Variants in SH3D19 observed in about 807,000 individuals in gnomAD.
SH3D19 encodes SH3 domain-containing protein 19.
SH3D19 carries 58 observed loss-of-function variants against 112.1 expected under a neutral mutation model. That is an observed-to-expected ratio of 0.52 (90% CI 0.42 to 0.64). The LOEUF is 0.64. SH3D19 is among the 30% of genes least tolerant of loss of function. SH3D19 has a pLI of 0.00. For synonymous variants in SH3D19, 391 were observed against 448.5 expected (o/e 0.87, Z 1.62); for missense variants, 1,090 against 1,263.4 (o/e 0.86, Z 2.08).
At chr4:151,151,468 T>C (rs917356360) in intron 9 of SH3D19, among the ~76,000 whole-genome samples, 12 of 152,148 alleles carry the variant, frequency 7.9e-5, no homozygotes, top group African/African-American at 2.4e-4. Flanking sequence ...TTTTTCTCCT[T>C]CTTATAAATG....
chr4:151,303,743 C>G (rs1426272192), intron 1 of SH3D19, among the ~76,000 whole-genome samples: 1 of 152,090 alleles, frequency 6.6e-6, no homozygotes. Flanking sequence ...TGAAAAGTAA[C>G]AAAGGGGTTT....
At chr4:151,287,670 G>C (rs1229608593) in intron 1 of SH3D19, among the ~76,000 whole-genome samples, 2 of 152,186 alleles carry the variant, frequency 1.3e-5, no homozygotes, top group Non-Finnish European at 2.9e-5. Flanking sequence ...CAAGACGGGA[G>C]GATCACTTGA....
intron 1 of SH3D19, among the ~76,000 whole-genome samples, chr4:151,324,819 G>A (rs1032995926): frequency 6.6e-6 from 1 of 152,160 alleles, no homozygotes; most frequent in Admixed American, 6.5e-5. Context: ...AAGGGACGCC[G>A]AAACAGGACT....
At chr4:151,217,738 CA>C (rs1767358377) in intron 2 of SH3D19, among the ~76,000 whole-genome samples, 1 of 151,974 alleles carries the variant, frequency 6.6e-6, no homozygotes. Flanking sequence ...ATGCTTATTG[CA>C]ACATCATTTC....
chr4:151,167,214 C>G (rs556423391), intron 7 of SH3D19, among the ~76,000 whole-genome samples: 9 of 151,860 alleles, frequency 5.9e-5, no homozygotes, highest in Non-Finnish European at 1.3e-4. Context: ...AACTTTTTTC[C>G]ACTGTGACCT....
intron 2 of SH3D19, among the ~76,000 whole-genome samples, chr4:151,214,628 CG>C (rs1278731559): frequency 1.9e-4 from 8 of 42,110 alleles, no homozygotes; most frequent in South Asian, 5.6e-4. Flanking sequence ...GCTGGCCGGG[CG>C]GGGGGCTGAC....
intron 1 of SH3D19, among the ~76,000 whole-genome samples, chr4:151,317,614 T>C (rs747343098): frequency 6.6e-6 from 1 of 152,228 alleles, no homozygotes; most frequent in Non-Finnish European, 1.5e-5. Context: ...ACCTCTGATT[T>C]GCTGAGATCA....
intron 9 of SH3D19, among the ~76,000 whole-genome samples, chr4:151,152,504 TTC>T (rs1219627209): frequency 1.3e-5 from 2 of 151,200 alleles, no homozygotes; most frequent in Admixed American, 6.6e-5. Flanking sequence ...TTTTTTGCTA[TTC>T]TCTCTCTCTC....
At chr4:151,191,081 T>C (rs891270679) in intron 2 of SH3D19, among the ~76,000 whole-genome samples, 2 of 152,212 alleles carry the variant, frequency 1.3e-5, no homozygotes, top group Non-Finnish European at 2.9e-5. Context: ...CTTTAAGATT[T>C]GACCTGCCCT....
intron 11 of SH3D19, among the ~76,000 whole-genome samples, chr4:151,144,606 C>G (rs1175443788): frequency 1.3e-5 from 2 of 152,172 alleles, no homozygotes; most frequent in African/African-American, 4.8e-5. Context: ...GGAGAAACAC[C>G]CAGCACTTGA....
At chr4:151,150,206 A>AAAAAAT (rs1273707426) in intron 9 of SH3D19, among the ~76,000 whole-genome samples, 1,264 of 45,680 alleles carry the variant, frequency 0.028, 77 homozygotes, top group Non-Finnish European at 0.044. Context: ...AAAAAAAAAA[A>AAAAAAT]ATATATATAT....
intron 1 of SH3D19, among the ~76,000 whole-genome samples, chr4:151,313,482 T>A (rs2126380289): frequency 6.6e-6 from 1 of 152,160 alleles, no homozygotes. Flanking sequence ...AGTGGTGCAA[T>A]CATGACTCAC....
chr4:151,139,387 C>T (rs112058697), intron 13 of SH3D19, among the ~76,000 whole-genome samples: 6,692 of 149,584 alleles, frequency 0.045, 448 homozygotes, highest in African/African-American at 0.15. Context: ...CTCCTGACCT[C>T]GTGATCCGCC....
At chr4:151,258,020 C>G (rs1394857681) in intron 1 of SH3D19, among the ~76,000 whole-genome samples, 2 of 152,188 alleles carry the variant, frequency 1.3e-5, no homozygotes, top group Non-Finnish European at 2.9e-5. Flanking sequence ...GTCACAGTCC[C>G]TTGTTTAGTT....
chr4:151,216,910 T>C (rs1001214725), intron 2 of SH3D19, among the ~76,000 whole-genome samples: 13 of 151,472 alleles, frequency 8.6e-5, no homozygotes, highest in Non-Finnish European at 1.3e-4. Context: ...TGTGTGTGTG[T>C]GTGTGTGTGT....
Position 151,270,133 on chromosome 4 carries a change from G to A in SH3D19, c.113-44047C>T, listed in dbSNP as rs148345931. On this transcript the variant is annotated intron_variant, in intron 1 of 19. Coordinates refer to ENST00000604030, the MANE Select transcript of SH3D19 (RefSeq NM_001378122.1). ...AAGTATAGCATAATAAATACATAAA[G>A]AAGTAACATACTCATTTATTATCAT... Among the ~76,000 whole-genome samples, 838 of 151,896 alleles carry A rather than the reference G, an allele frequency of 5.5e-3. 4 individuals carry two copies. The highest frequency in any genetic ancestry group is 0.021 in the South Asian group (99 of 4,800).
In SH3D19 at chr4:151,324,244, C is replaced by T. The variant is rs116504173; in HGVS notation, c.112+997G>A. Among the ~76,000 whole-genome samples the T allele has an allele frequency of 7.0e-3, 1,066 of 152,232 alleles. 12 individuals are homozygous for T. The highest frequency in any genetic ancestry group is 0.025 in the African/African-American group (1,018 of 41,536). On this transcript the variant is annotated intron_variant, in intron 1 of 19. Coordinates refer to ENST00000604030, the MANE Select transcript of SH3D19 (RefSeq NM_001378122.1). The stretch of plus-strand genomic sequence containing the variant: ...CCTACTTTCTACCCTCCATTTGTTC[C>T]GCACAGATACAATATCTTCTCTATT...
At chr4:151,288,133 C>A (rs937469341) in intron 1 of SH3D19, among the ~76,000 whole-genome samples, 28 of 151,724 alleles carry the variant, frequency 1.8e-4, no homozygotes, top group African/African-American at 6.3e-4. Flanking sequence ...TTTTTCAACT[C>A]GATCAAGTGC....
chr4:151,223,703 A>C (rs966652147), intron 2 of SH3D19, among the ~76,000 whole-genome samples: 1 of 152,050 alleles, frequency 6.6e-6, no homozygotes, highest in Non-Finnish European at 1.5e-5. Flanking sequence ...CCAGTTCCTC[A>C]CACCAGTCTT....
Sources: gnomAD v4.1 joint callset for allele counts (sites outside exome capture counted in the v4.1 genomes callset) on GRCh38, gnomAD v4.1.1 for gene constraint, MANE v1.5 for transcripts, NCBI Gene and HGNC (gene_info 2026-07-23, HGNC 2026-07-21) for gene names.